GNAT3: variants seen among roughly 807,000 people sequenced by gnomAD.
GNAT3 encodes the protein guanine nucleotide-binding protein G(t) subunit alpha-3.
A neutral mutation model predicts 37.7 loss-of-function variants in GNAT3; 31 were observed. The observed-to-expected ratio is 0.82, with a 90% CI of 0.62 to 1.11. The LOEUF (loss-of-function observed/expected upper bound fraction) is 1.11, where lower values mean the gene tolerates loss of function less well. GNAT3 is among the 50% of genes most tolerant of loss of function. The pLI, the probability that GNAT3 is intolerant of heterozygous loss-of-function variation, is 0.00. For synonymous variants in GNAT3, 138 were observed against 139.8 expected, an observed-to-expected ratio of 0.99 and a Z score of 0.09; for missense variants, 437 against 412.5, an observed-to-expected ratio of 1.06 and a Z score of -0.51.
intron 1 of GNAT3, among the ~76,000 whole-genome samples, chr7:80,509,237 G>A (rs1315467172): frequency 1.3e-5 from 2 of 152,030 alleles, no homozygotes; most frequent in Non-Finnish European, 2.9e-5. Context: ...TGAGAATGAA[G>A]TAGAGCTGTT....
chr7:80,472,437 T>A (rs191556865), intron 5 of GNAT3, among the ~76,000 whole-genome samples: 1 of 152,250 alleles, frequency 6.6e-6, no homozygotes, highest in African/African-American at 2.4e-5. Context: ...TGGTTATGCC[T>A]CCATGAGGAT....
chr7:80,471,845 A>C (rs924573445), intron 5 of GNAT3, among the ~76,000 whole-genome samples: 2 of 152,128 alleles, frequency 1.3e-5, no homozygotes, highest in African/African-American at 4.8e-5. Flanking sequence ...AGTTAGCCTC[A>C]GGATAACCAA....
chr7:80,497,402 C>T (rs1790736142), intron 1 of GNAT3, among the ~76,000 whole-genome samples: 1 of 151,830 alleles, frequency 6.6e-6, no homozygotes, highest in South Asian at 2.1e-4. Flanking sequence ...TGGGAAAAGT[C>T]ATACAATAAT....
In GNAT3 at chr7:80,462,555, A is replaced by G. The variant is rs375522580; in HGVS notation, c.667T>C (p.Phe223Leu). 35 of 1,613,342 alleles carry G rather than the reference A, an allele frequency of 2.2e-5. No homozygotes were observed. The highest frequency in any genetic ancestry group is 2.8e-5 in the Non-Finnish European group (33 of 1,179,468). ...HCFEGVTCII[F>L]CAALSAYDMV... ...TCATAGGCACTAAGTGCAGCACAAA[A>G]TATAATGCATGTAACTCCTTCAAAG... The change falls in exon 6 of 8, where the codon TTT becomes CTT. Residue 223 changes from phenylalanine (F) to leucine (L), a missense_variant. By Grantham distance (22) the Phe-to-Leu change is conservative. Transcript: ENST00000398291.
chr7:80,509,690 C>G (rs758228537), intron 1 of GNAT3, among the ~76,000 whole-genome samples: 7 of 151,964 alleles, frequency 4.6e-5, no homozygotes, highest in Admixed American at 1.3e-4. Flanking sequence ...AATTCTGGAA[C>G]CCTGTATGTA....
intron 1 of GNAT3, among the ~76,000 whole-genome samples, chr7:80,497,578 ACG>A (rs1584193102): frequency 7.1e-6 from 1 of 140,534 alleles, no homozygotes; most frequent in Non-Finnish European, 1.6e-5. Context: ...ATATACATAT[ACG>A]TATATACATA....
intron 4 of GNAT3, among the ~76,000 whole-genome samples, chr7:80,478,364 G>C (rs1790338941): frequency 1.3e-5 from 2 of 152,108 alleles, no homozygotes; most frequent in Non-Finnish European, 2.9e-5. Context: ...TAGTATACAA[G>C]TATTTTGGAA....
intron 1 of GNAT3, among the ~76,000 whole-genome samples, chr7:80,498,038 A>C (rs1369852607): frequency 2.0e-5 from 3 of 152,164 alleles, no homozygotes; most frequent in Admixed American, 1.3e-4. Flanking sequence ...ACTTTTAGGC[A>C]GATTAAAAAA....
At chr7:80,498,189 G>C (rs1324017188) in intron 1 of GNAT3, among the ~76,000 whole-genome samples, 2 of 151,958 alleles carry the variant, frequency 1.3e-5, no homozygotes, top group African/African-American at 4.8e-5. Flanking sequence ...ATGGCCATTT[G>C]GTAATCATAC....
chr7:80,467,499 A>C (rs1790145124), intron 5 of GNAT3, among the ~76,000 whole-genome samples: 1 of 151,996 alleles, frequency 6.6e-6, no homozygotes, highest in South Asian at 2.1e-4. Context: ...GACTAGTTAC[A>C]TTTTGTTTTG....
rs116890368 is a variant in GNAT3 at position 80,494,695 on chromosome 7, A to G, written c.119-48T>C. 8.4e-3 allele frequency: 8,908 copies of G among 1,057,798 alleles called. 64 individuals carry two copies. Among genetic ancestry groups the G allele is most frequent in the Non-Finnish European group, 0.011 (7,657 of 701,988 alleles). 65.5% of individuals were successfully genotyped at this position (1,057,798 alleles called of 1,614,324 possible). A position where few individuals can be genotyped will look rare whatever the true frequency, so the allele number is the denominator to read the frequency against. On this transcript the variant is annotated intron_variant, in intron 1 of 7. Transcript: ENST00000398291. ...TTATTAACTGATATACCAAATTTGA[A>G]TAGATATTAAAAACTATCACTTTTC...
At chr7:80,465,886 T>C (rs547514350) in intron 5 of GNAT3, among the ~76,000 whole-genome samples, 1 of 152,274 alleles carries the variant, frequency 6.6e-6, no homozygotes, top group East Asian at 1.9e-4. Flanking sequence ...GATCACTTTT[T>C]GGCAAAGAAT....
chr7:80,484,633 G>A (rs1345590027), intron 3 of GNAT3, among the ~76,000 whole-genome samples: 5 of 152,058 alleles, frequency 3.3e-5, no homozygotes, highest in African/African-American at 7.2e-5. Flanking sequence ...AGGATAAGTA[G>A]ATATTTACTA....
intron 3 of GNAT3, among the ~76,000 whole-genome samples, chr7:80,482,626 G>A (rs1790410301): frequency 6.7e-6 from 1 of 150,020 alleles, no homozygotes; most frequent in Non-Finnish European, 1.5e-5. Context: ...CGATTCTCCT[G>A]CCTCAGCCTC....
intron 3 of GNAT3, 61 bp downstream of exon 3, chr7:80,488,474 T>G (rs753817289): frequency 9.8e-5 from 136 of 1,394,300 alleles, no homozygotes; most frequent in Non-Finnish European, 1.3e-4. Context: ...TATTAAGTCC[T>G]CTTATTTTAT....
At chr7:80,478,766 T>A in intron 4 of GNAT3, 75 bp downstream of exon 4, 1 of 1,410,770 alleles carries the variant, frequency 7.1e-7, no homozygotes, top group Non-Finnish European at 9.8e-7. Flanking sequence ...AATTTACAAA[T>A]GCAAAGTATG....
At chr7:80,480,753 C>T (rs1239142790) in intron 3 of GNAT3, among the ~76,000 whole-genome samples, 1 of 152,014 alleles carries the variant, frequency 6.6e-6, no homozygotes, top group Non-Finnish European at 1.5e-5. Flanking sequence ...TGAGGACAAG[C>T]AGAGGTCACT....
intron 7 of GNAT3, among the ~76,000 whole-genome samples, chr7:80,461,864 G>A (rs947765047): frequency 1.2e-4 from 19 of 152,140 alleles, no homozygotes; most frequent in African/African-American, 4.3e-4. Context: ...TTGCATTCCT[G>A]TTATAATTTT....
At chr7:80,461,268 C>A (rs941601354) in intron 7 of GNAT3, among the ~76,000 whole-genome samples, 3 of 152,090 alleles carry the variant, frequency 2.0e-5, no homozygotes, top group Non-Finnish European at 2.9e-5. Flanking sequence ...ATAAATATGG[C>A]TGGGTGCAAT....
Sources: allele counts gnomAD v4.1 joint callset (sites outside exome capture counted in the v4.1 genomes callset), GRCh38; gene constraint gnomAD v4.1.1; transcripts MANE v1.5; gene names NCBI Gene and HGNC (gene_info 2026-07-23, HGNC 2026-07-21).